SLC12A1: variants seen among roughly 807,000 people sequenced by gnomAD.
The protein encoded by SLC12A1 is solute carrier family 12 member 1, also known as Na-K-2Cl cotransporter.
SLC12A1 carries 89 observed loss-of-function variants against 130.4 expected under a neutral mutation model. The observed-to-expected ratio is 0.68, with a 90% CI of 0.58 to 0.81. SLC12A1 has a LOEUF of 0.81. Among genes scored for constraint, SLC12A1 ranks in the 40% least tolerant of loss-of-function variants. SLC12A1 has a pLI of 0.00. For missense variants in SLC12A1, 1,310 were observed against 1,336.4 expected (o/e 0.98, Z 0.31); for synonymous variants, 499 against 460.0 (o/e 1.08, Z -1.09).
In SLC12A1 at chr15:48,291,845, A is replaced by T; in HGVS notation, c.2941A>T (p.Ile981Phe). The change falls in exon 24 of 27, where the codon ATT (isoleucine) becomes TTT (phenylalanine). Residue 981 changes from isoleucine (I) to phenylalanine (F), a missense_variant. Transcript: ENST00000380993. ...ADIHIIGDIN[I>F]RPNKESWKVF... Reference sequence around the variant, plus strand: ...CATCCATATCATCGGTGACATCAACATTAGGCCAAACAAAGAGAGGTATGA... The same window carrying T: ...CATCCATATCATCGGTGACATCAACTTTAGGCCAAACAAAGAGAGGTATGA... 1 of 1,567,432 alleles carries T rather than the reference A, an allele frequency of 6.4e-7. No homozygotes were observed. The highest frequency in any genetic ancestry group is 8.7e-7 in the Non-Finnish European group (1 of 1,153,572).
At chr15:48,246,136 G>T (rs1038834624) in intron 11 of SLC12A1, among the ~76,000 whole-genome samples, 4 of 152,174 alleles carry the variant, frequency 2.6e-5, no homozygotes, top group Non-Finnish European at 4.4e-5. Context: ...GACTTAAATT[G>T]ATAGAATCAC....
At chr15:48,266,505 C>A (rs2041833458) in intron 17 of SLC12A1, among the ~76,000 whole-genome samples, 1 of 150,118 alleles carries the variant, frequency 6.7e-6, no homozygotes. Context: ...CCCTTTAAGA[C>A]CGTGACTCCA....
rs781565130 is a variant in SLC12A1, at chr15:48,230,462, C to A, written c.934C>A (p.Leu312Ile). Reference protein sequence around the residue: ...RIIGSITVVILLGISVAGMEW... With the variant: ...RIIGSITVVIILGISVAGMEW... ...TATAGGCTCCATCACAGTGGTGATT[C>A]TTCTAGGAATTTCAGTAGCTGGAAT... is the stretch of plus-strand genomic sequence containing the variant. The change falls in exon 7 of 27, where the codon CTT becomes ATT. Residue 312 changes from leucine to isoleucine, a missense_variant. Coordinates refer to ENST00000380993, the MANE Select transcript of SLC12A1 (RefSeq NM_000338.3). 6.2e-7 allele frequency: 1 copy of A among 1,612,740 alleles called. No individual in the cohort carries two copies. The highest frequency in any genetic ancestry group is 8.5e-7 in the Non-Finnish European group (1 of 1,179,420).
chr15:48,229,279 T>C lies in SLC12A1; in HGVS notation c.815T>C (p.Val272Ala), dbSNP rs77567995. The C allele has an allele frequency of 6.2e-7, 1 of 1,605,072 alleles. No individual in the cohort carries two copies. Among genetic ancestry groups the C allele is most frequent in the East Asian group, 2.2e-5 (1 of 44,748 alleles). ...TTTGCTTTTGCTAATGCAGTGGCTGTTGCTATGTATGTGGTGGGATTTGCT... is the reference window on the plus strand; with the variant it reads ...TTTGCTTTTGCTAATGCAGTGGCTGCTGCTATGTATGTGGTGGGATTTGCT... ...LIFAFANAVA[V>A]AMYVVGFAET... The change falls in exon 6 of 27, where the codon GTT becomes GCT. Residue 272 changes from valine (V) to alanine (A), a missense_variant. Physicochemically the swap from Val to Ala is moderately conservative, Grantham distance 64. Transcript: ENST00000380993.
At chr15:48,274,676 C>T in intron 20 of SLC12A1, 23 bp downstream of exon 20, 2 of 1,538,246 alleles carry the variant, frequency 1.3e-6, no homozygotes, top group African/African-American at 1.4e-5. Context: ...TTTATTCAAC[C>T]AACAAGTATT....
chr15:48,267,796 C>A, intron 18 of SLC12A1, 95 bp downstream of exon 18: 2 of 1,360,028 alleles, frequency 1.5e-6, no homozygotes, highest in Non-Finnish European at 1.0e-6. Context: ...AGTTAGGCAG[C>A]CAAGCATCAG....
At chr15:48,262,480 G>T (rs2041786371) in intron 17 of SLC12A1, among the ~76,000 whole-genome samples, 1 of 152,068 alleles carries the variant, frequency 6.6e-6, no homozygotes, top group African/African-American at 2.4e-5. Flanking sequence ...ACTCTTTGCT[G>T]GGCCCCAAGC....
intron 20 of SLC12A1, among the ~76,000 whole-genome samples, chr15:48,275,293 G>A (rs928728166): frequency 3.3e-5 from 5 of 152,068 alleles, no homozygotes; most frequent in African/African-American, 4.8e-5. Context: ...TGAGCTTCAC[G>A]ACAGAGTCCA....
chr15:48,211,142 C>A (rs943422430), intron 2 of SLC12A1, among the ~76,000 whole-genome samples: 2 of 152,102 alleles, frequency 1.3e-5, no homozygotes, highest in Admixed American at 1.3e-4. Flanking sequence ...TATCTAGGAC[C>A]CTTCATCTTG....
chr15:48,221,119 CT>C, intron 4 of SLC12A1, 123 bp downstream of exon 4: 2 of 938,284 alleles, frequency 2.1e-6, no homozygotes, highest in Non-Finnish European at 3.4e-6. Context: ...AGTTGGGCTC[CT>C]TTTACTTTGC....
chr15:48,259,143 T>G, intron 16 of SLC12A1, 57 bp from the exon 17 acceptor site: 7 of 1,124,042 alleles, frequency 6.2e-6, no homozygotes, highest in Non-Finnish European at 8.2e-6. Flanking sequence ...CTGGAATGGT[T>G]CTAAGGTTAC....
At chr15:48,242,912 A>G (rs1438553662) in intron 10 of SLC12A1, among the ~76,000 whole-genome samples, 3 of 152,224 alleles carry the variant, frequency 2.0e-5, no homozygotes, top group Non-Finnish European at 4.4e-5. Flanking sequence ...ACATTTTTAA[A>G]TGACTTTGAA....
At chr15:48,240,077 ATATATATATATATC>A (rs2041495141) in intron 9 of SLC12A1, among the ~76,000 whole-genome samples, 1 of 107,352 alleles carries the variant, frequency 9.3e-6, no homozygotes, top group Non-Finnish European at 1.7e-5. Flanking sequence ...ATATCCATAT[ATATATATATATATC>A]CATATATATA....
intron 9 of SLC12A1, among the ~76,000 whole-genome samples, chr15:48,237,612 T>A (rs2041454308): frequency 6.6e-6 from 1 of 152,224 alleles, no homozygotes; most frequent in African/African-American, 2.4e-5. Flanking sequence ...TATTGTAGAA[T>A]GTTGCATTCT....
intron 4 of SLC12A1, chr15:48,224,909 T>C (rs2041264626): frequency 6.6e-6 from 1 of 152,204 alleles, no homozygotes; most frequent in South Asian, 2.1e-4. Flanking sequence ...TCCCTCTCTT[T>C]ATAATCATCA....
intron 16 of SLC12A1, among the ~76,000 whole-genome samples, chr15:48,257,704 A>C (rs939407401): frequency 6.6e-6 from 1 of 152,184 alleles, no homozygotes; most frequent in South Asian, 2.1e-4. Context: ...TGCACACAGC[A>C]GGGGGACCCT....
intron 20 of SLC12A1, among the ~76,000 whole-genome samples, chr15:48,284,741 G>T (rs575546022): frequency 2.6e-5 from 4 of 152,242 alleles, no homozygotes; most frequent in African/African-American, 9.6e-5. Flanking sequence ...CCAGGCTCAG[G>T]TGATCCTCTC....
chr15:48,301,169 CATAAG>C (rs1344063872), intron 25 of SLC12A1, 141 bp from the exon 26 acceptor site: 2 of 662,720 alleles, frequency 3.0e-6, no homozygotes, highest in East Asian at 5.6e-5. Context: ...TTTAAAACAC[CATAAG>C]TTTCTAAGCC....
intron 23 of SLC12A1, among the ~76,000 whole-genome samples, chr15:48,290,213 C>T (rs113925931): frequency 0.025 from 3,865 of 152,182 alleles, 77 homozygotes; most frequent in African/African-American, 0.049. Flanking sequence ...GGGTCAGGAT[C>T]ATCAATATCA....
Sources: allele counts gnomAD v4.1 joint callset (sites outside exome capture counted in the v4.1 genomes callset), GRCh38; gene constraint gnomAD v4.1.1; transcripts MANE v1.5; gene names NCBI Gene and HGNC (gene_info 2026-07-23, HGNC 2026-07-21).